The following ZNF728 variants were observed in gnomAD, a reference collection of about 807,000 sequenced individuals.
ZNF728 encodes zinc finger protein 728.
In ZNF728, 12 loss-of-function variants were observed where a neutral mutation model predicts 12.5. That is an observed-to-expected ratio of 0.96 (90% CI 0.61 to 1.55). ZNF728 has a LOEUF of 1.55. ZNF728 is among the 40% of genes most tolerant of loss of function. ZNF728 has a pLI of 0.00. For synonymous variants in ZNF728, 205 were observed against 240.7 expected, an observed-to-expected ratio of 0.85 and a Z score of 1.37; for missense variants, 692 against 719.2, an observed-to-expected ratio of 0.96 and a Z score of 0.43.
At position 22,974,953 on chromosome 19, in the gene ZNF728, T is replaced by C. The variant is rs1239635842; in HGVS notation, c.*515A>G. ...CAATTAGGCATGAGCATTGGTTAAA[T>C]GTTTTGCCACATTGTTTATTCTAGT... On this transcript the variant is annotated 3_prime_UTR_variant, in exon 4 of 4. Transcript: ENST00000594710. 6.6e-6 allele frequency among the ~76,000 whole-genome samples: 1 copy of C among 152,238 alleles called. No homozygotes were observed. The highest frequency in any genetic ancestry group is 1.5e-5 in the Non-Finnish European group (1 of 68,042).
intron 1 of ZNF728, among the ~76,000 whole-genome samples, chr19:22,999,669 G>T (rs182946164): frequency 6.6e-6 from 1 of 152,214 alleles, no homozygotes. Flanking sequence ...AAATTTTAAG[G>T]TGCTTACATT....
At chr19:22,984,164 G>T (rs176456) in intron 3 of ZNF728, among the ~76,000 whole-genome samples, 46,321 of 151,450 alleles carry the variant, frequency 0.31, 9,158 homozygotes, top group African/African-American at 0.57. Context: ...CACCTCTTAG[G>T]CCAAAAAAGA....
intron 1 of ZNF728, among the ~76,000 whole-genome samples, chr19:22,998,351 C>CTA (rs1193486040): frequency 8.0e-6 from 1 of 124,492 alleles, no homozygotes; most frequent in Non-Finnish European, 1.6e-5. Flanking sequence ...AAAATCCCAT[C>CTA]TATAAAAAAA....
intron 1 of ZNF728, among the ~76,000 whole-genome samples, chr19:22,990,247 C>A (rs1353020543): frequency 2.6e-5 from 4 of 151,102 alleles, no homozygotes. Flanking sequence ...TGATCTGAGA[C>A]ACATTTAGCT....
At position 22,975,588 on chromosome 19, in the gene ZNF728, C is replaced by T; in HGVS notation, c.1749G>A (p.Lys583=). Residue 583 remains lysine, a synonymous_variant, in exon 4 of 4, where the codon AAG becomes AAA. Coordinates refer to ENST00000594710, the MANE Select transcript of ZNF728 (RefSeq NM_001267716.2). ...AGAATTTCTTTCCAGCATGAATTTT[C>T]TTATGTTTGTTAAGGACTGAGACCC... ...FSWVSVLNKH[K]KIHAGKKFYK... 6.2e-7 allele frequency: 1 copy of T among 1,604,998 alleles called. No individual in the cohort carries two copies. Among genetic ancestry groups the T allele is most frequent in the Non-Finnish European group, 8.5e-7 (1 of 1,177,142 alleles).
Position 22,976,693 on chromosome 19 carries a change from G to A in ZNF728, c.644C>T (p.Ala215Val), listed in dbSNP as rs771193003. The A allele has an allele frequency of 1.9e-6, 3 of 1,613,112 alleles. No individual in the cohort carries two copies. Among genetic ancestry groups the A allele is most frequent in the Admixed American group, 3.3e-5 (2 of 59,934 alleles). Reference sequence around the variant, plus strand: ...AGTATGAATTCTCTTATAAGTAAGGGCTGAGGACCAGTTAAAGGCTTTGCC... The same window carrying A: ...AGTATGAATTCTCTTATAAGTAAGGACTGAGGACCAGTTAAAGGCTTTGCC... Reference protein sequence around the residue: ...EHGKAFNWSSALTYKRIHTGE... With the variant: ...EHGKAFNWSSVLTYKRIHTGE... The change falls in exon 4 of 4, where the codon GCC (alanine) becomes GTC (valine). Residue 215 changes from alanine to valine, a missense_variant. Transcript: ENST00000594710.
rs753014362 is a variant in ZNF728, at chr19:22,975,465, T to C, written c.*3A>G. On this transcript the variant is annotated 3_prime_UTR_variant, in exon 4 of 4. Coordinates refer to ENST00000594710, the MANE Select transcript of ZNF728 (RefSeq NM_001267716.2). ...GAACTAATTGAAAGCTTTGCCACAT[T>C]TTTCACATTTGTAGGGTTTTTCCTC... 5 of 1,537,942 alleles carry C rather than the reference T, an allele frequency of 3.3e-6. No homozygotes were observed. Among genetic ancestry groups the C allele is most frequent in the Non-Finnish European group, 4.4e-6 (5 of 1,146,666 alleles).
At chr19:22,986,413 A>G (rs1968917790) in intron 3 of ZNF728, among the ~76,000 whole-genome samples, 1 of 147,716 alleles carries the variant, frequency 6.8e-6, no homozygotes, top group Non-Finnish European at 1.5e-5. Context: ...TACACTCAGT[A>G]AATTAGCAAA....
intron 3 of ZNF728, among the ~76,000 whole-genome samples, chr19:22,977,408 T>G (rs1469109821): frequency 6.6e-6 from 1 of 152,184 alleles, no homozygotes; most frequent in African/African-American, 2.4e-5. Context: ...CTCCTCAATA[T>G]TACCTAGTCC....
chr19:22,998,572 TA>T (rs1017750333), intron 1 of ZNF728, among the ~76,000 whole-genome samples: 5 of 152,150 alleles, frequency 3.3e-5, no homozygotes, highest in African/African-American at 1.2e-4. Context: ...ACCTACTGTT[TA>T]AAAATTGGGG....
At chr19:22,981,137 C>T (rs1352290926) in intron 3 of ZNF728, among the ~76,000 whole-genome samples, 1 of 151,470 alleles carries the variant, frequency 6.6e-6, no homozygotes, top group Non-Finnish European at 1.5e-5. Context: ...GACTGCTAGC[C>T]AGTCTAATAA....
At chr19:22,995,609 GTA>G (rs1437399604) in intron 1 of ZNF728, 1 of 152,054 alleles carries the variant, frequency 6.6e-6, no homozygotes, top group Non-Finnish European at 1.5e-5. Flanking sequence ...AGCTAATTTT[GTA>G]TTTTCTGTAG....
At chr19:22,983,821 C>T (rs1171191821) in intron 3 of ZNF728, among the ~76,000 whole-genome samples, 1 of 152,008 alleles carries the variant, frequency 6.6e-6, no homozygotes, top group Non-Finnish European at 1.5e-5. Context: ...CACAGGGACA[C>T]AGGAAGGGGA....
Position 22,976,378 on chromosome 19 carries a change from G to T in ZNF728, c.959C>A (p.Ala320Asp), listed in dbSNP as rs754287455. The change falls in exon 4 of 4, where the codon GCT becomes GAT. Residue 320 changes from alanine to aspartate, a missense_variant. Physicochemically the swap from Ala to Asp is moderately radical, Grantham distance 126. Coordinates refer to ENST00000594710, the MANE Select transcript of ZNF728 (RefSeq NM_001267716.2). ...KPYKCEECGK[A>D]FNRSSNLMEH... ...CATAAGGTTTGAGGACCGGTTGAAA[G>T]CTTTGCCACATTCTTCACATTTGTA... The T allele has an allele frequency of 6.2e-7, 1 of 1,612,838 alleles. No homozygotes were observed. Among genetic ancestry groups the T allele is most frequent in the African/African-American group, 1.3e-5 (1 of 74,714 alleles).
chr19:22,994,312 C>A (rs1969025832), intron 1 of ZNF728, among the ~76,000 whole-genome samples: 1 of 152,140 alleles, frequency 6.6e-6, no homozygotes, highest in African/African-American at 2.4e-5. Context: ...GCCGAAAAGG[C>A]CCATCTAGAG....
At chr19:22,990,863 G>C (rs1334371795) in intron 1 of ZNF728, among the ~76,000 whole-genome samples, 1 of 152,122 alleles carries the variant, frequency 6.6e-6, no homozygotes, top group Non-Finnish European at 1.5e-5. Flanking sequence ...CTAAGACTAA[G>C]CATTTCCTCT....
intron 1 of ZNF728, among the ~76,000 whole-genome samples, chr19:22,999,657 G>A (rs1347069947): frequency 6.6e-6 from 1 of 152,028 alleles, no homozygotes; most frequent in Admixed American, 6.6e-5. Context: ...AAACATATAA[G>A]AAAATTTTAA....
intron 3 of ZNF728, among the ~76,000 whole-genome samples, chr19:22,985,257 G>A (rs1437848416): frequency 1.3e-5 from 2 of 152,138 alleles, no homozygotes; most frequent in African/African-American, 2.4e-5. Flanking sequence ...CTTAGAAGCA[G>A]ATAAAAAGAA....
chr19:22,981,814 C>T (rs556169393), intron 3 of ZNF728, among the ~76,000 whole-genome samples: 3 of 152,100 alleles, frequency 2.0e-5, no homozygotes, highest in South Asian at 2.1e-4. Flanking sequence ...AAAAGGCCTT[C>T]GACAAAATTC....
Sources: allele counts gnomAD v4.1 joint callset (sites outside exome capture counted in the v4.1 genomes callset), GRCh38; gene constraint gnomAD v4.1.1; transcripts MANE v1.5; gene names NCBI Gene and HGNC (gene_info 2026-07-23, HGNC 2026-07-21).